Variants in CDK12 observed in about 807,000 individuals in gnomAD.
CDK12 encodes the protein cyclin dependent kinase 12, also known as cyclin-dependent kinase 12.
Under a neutral mutation model 133.8 loss-of-function variants are expected in CDK12, and 17 were observed. The ratio of observed to expected loss-of-function variants is 0.13; its 90% confidence interval spans 0.09 to 0.19. CDK12 has a LOEUF of 0.19. CDK12 is among the 10% of genes least tolerant of loss of function. The pLI is 1.00. For missense variants in CDK12, 1,508 were observed against 1,818.7 expected, an observed-to-expected ratio of 0.83 and a Z score of 3.11; for synonymous variants, 694 against 683.6, an observed-to-expected ratio of 1.02 and a Z score of -0.24.
At chr17:39,540,435 C>G (rs2055354555) in intron 1 of CDK12, among the ~76,000 whole-genome samples, 1 of 152,160 alleles carries the variant, frequency 6.6e-6, no homozygotes, top group South Asian at 2.1e-4. Context: ...CTGCATGCAC[C>G]CTGCCCTTTT....
At chr17:39,564,454 G>C (rs967214281) in intron 3 of CDK12, among the ~76,000 whole-genome samples, 2 of 152,158 alleles carry the variant, frequency 1.3e-5, no homozygotes, top group African/African-American at 4.8e-5. Context: ...TTGTAAAGGC[G>C]GAGTTTGCTA....
chr17:39,535,662 C>T (rs1027236566), downstream of CDK12, among the ~76,000 whole-genome samples: 4 of 152,180 alleles, frequency 2.6e-5, no homozygotes, highest in Non-Finnish European at 5.9e-5. Context: ...CCATTTCTAA[C>T]CAGAAACCAT....
At position 39,492,793 on chromosome 17, in the gene CDK12, C is replaced by A. The variant is rs777401578; in HGVS notation, c.2151C>A (p.Ser717Arg). Residue 717 changes from serine (S) to arginine (R), a missense_variant, in exon 4 of 14, where the codon AGC becomes AGA. Around this residue, in one of 9 missense-constraint regions of CDK12, gnomAD observed 74 missense variants for 160.2 expected, o/e 0.46. Coordinates refer to ENST00000447079, the MANE Select transcript of CDK12 (RefSeq NM_016507.4). ...PRYGERRQTE[S>R]DWGKRCVDKF... ...ATGGAGAAAGAAGACAAACAGAAAGCGACTGGGGGAAACGCTGTGTGGACA... is the reference window on the plus strand; with the variant it reads ...ATGGAGAAAGAAGACAAACAGAAAGAGACTGGGGGAAACGCTGTGTGGACA... 6.2e-7 allele frequency: 1 copy of A among 1,612,272 alleles called. No individual in the cohort carries two copies. The highest frequency in any genetic ancestry group is 8.5e-7 in the Non-Finnish European group (1 of 1,178,866).
chr17:39,501,617 C>G (rs948500443), intron 6 of CDK12, among the ~76,000 whole-genome samples, 178 bp downstream of exon 6: 5 of 152,124 alleles, frequency 3.3e-5, no homozygotes, highest in African/African-American at 1.2e-4. Flanking sequence ...TGTTCTTGAG[C>G]CTTTTCTCAG....
At chr17:39,504,408 G>T (rs1053834373) in intron 6 of CDK12, among the ~76,000 whole-genome samples, 6 of 152,118 alleles carry the variant, frequency 3.9e-5, no homozygotes, top group African/African-American at 1.4e-4. Context: ...TTTAAGAAGG[G>T]AGTGGTGATT....
rs962332347 is a variant in CDK12 at position 39,532,156 on chromosome 17, C to T, written c.*840C>T. 2.6e-5 allele frequency: 6 copies of T among 231,148 alleles called. No homozygotes were observed. The highest frequency in any genetic ancestry group is 1.2e-3 in the Middle Eastern group (1 of 806). 14.3% of individuals were successfully genotyped at this position (231,148 alleles called of 1,614,324 possible). A position where few individuals can be genotyped will look rare whatever the true frequency, so the allele number is the denominator to read the frequency against. ...TCTCTCTCTCTCTGTCTCGCTTGCT[C>T]GCTCTCGCTGTTTCTCTCTCTTTGA... On this transcript the variant is annotated 3_prime_UTR_variant, in exon 14 of 14. Coordinates refer to ENST00000447079, the MANE Select transcript of CDK12 (RefSeq NM_016507.4).
At chr17:39,565,150 G>A (rs1229112600), downstream of CDK12, among the ~76,000 whole-genome samples, 1 of 152,162 alleles carries the variant, frequency 6.6e-6, no homozygotes. Flanking sequence ...GTCTCGCTCT[G>A]TCGCCCAGGC....
At chr17:39,479,169 A>C (rs2050440119) in intron 2 of CDK12, among the ~76,000 whole-genome samples, 1 of 151,972 alleles carries the variant, frequency 6.6e-6, no homozygotes, top group Non-Finnish European at 1.5e-5. Flanking sequence ...TTAGCCGGGC[A>C]TGGTGGCGGG....
rs576148809 is a variant in CDK12, at chr17:39,472,320, T to TA, written c.1931+564dup. Among the ~76,000 whole-genome samples, 240 of 152,150 alleles carry TA rather than the reference T, an allele frequency of 1.6e-3. 1 individual carries two copies. The highest frequency in any genetic ancestry group is 2.1e-4 in the Non-Finnish European group (14 of 67,998). ...ATAATGCTAATTTTGATTAAAATTTTAAAAAAATCGAGTTTTCCCTTAAAT... is the reference window on the plus strand; with the variant it reads ...ATAATGCTAATTTTGATTAAAATTTTAAAAAAAATCGAGTTTTCCCTTAAAT... On this transcript the variant is annotated intron_variant, in intron 2 of 13. Coordinates refer to ENST00000447079, the MANE Select transcript of CDK12 (RefSeq NM_016507.4).
intron 13 of CDK12, among the ~76,000 whole-genome samples, chr17:39,526,700 A>G (rs1221959916): frequency 3.3e-5 from 5 of 152,222 alleles, no homozygotes; most frequent in Non-Finnish European, 7.3e-5. Flanking sequence ...TTATCAGACT[A>G]TACTTCTTTA....
intron 6 of CDK12, among the ~76,000 whole-genome samples, chr17:39,503,757 C>G (rs1177324441): frequency 6.6e-6 from 1 of 152,164 alleles, no homozygotes; most frequent in Non-Finnish European, 1.5e-5. Flanking sequence ...TTAGCTCTGT[C>G]TACTCAGACC....
Position 39,519,150 on chromosome 17 carries a change from G to A in CDK12, c.2964-806G>A, listed in dbSNP as rs79856765. Among the ~76,000 whole-genome samples, 686 of 151,906 alleles carry A rather than the reference G, an allele frequency of 4.5e-3. 16 individuals carry two copies. Among genetic ancestry groups the A allele is most frequent in the Admixed American group, 0.034 (513 of 15,212 alleles). On this transcript the variant is annotated intron_variant, in intron 10 of 13. Coordinates refer to ENST00000447079, the MANE Select transcript of CDK12 (RefSeq NM_016507.4). ...ACTCCTGACCTCAGATTATCTGCCC[G>A]CCTCGGCCCCACAAAGTGCTGGGAT...
intron 1 of CDK12, among the ~76,000 whole-genome samples, chr17:39,469,441 A>T (rs1158758522): frequency 6.6e-6 from 1 of 152,116 alleles, no homozygotes; most frequent in Non-Finnish European, 1.5e-5. Flanking sequence ...CCTAAGCCTT[A>T]TGTGTTGGGA....
intron 6 of CDK12, among the ~76,000 whole-genome samples, chr17:39,504,039 G>A (rs1264735990): frequency 3.3e-5 from 5 of 152,180 alleles, no homozygotes; most frequent in African/African-American, 9.6e-5. Context: ...AGTAGGGATG[G>A]ACTCGGTAGA....
chr17:39,485,805 C>T (rs1258003821), intron 2 of CDK12, among the ~76,000 whole-genome samples: 3 of 151,582 alleles, frequency 2.0e-5, no homozygotes, highest in African/African-American at 7.3e-5. Context: ...ACTTGAGCCT[C>T]GAGGCTGCAG....
At chr17:39,529,917 A>G (rs930284497) in intron 13 of CDK12, 10 of 152,188 alleles carry the variant, frequency 6.6e-5, no homozygotes, top group Non-Finnish European at 1.0e-4. Flanking sequence ...AAAATAGAAA[A>G]TTATGATAGA....
At chr17:39,482,015 C>CTTT (rs56340258) in intron 2 of CDK12, among the ~76,000 whole-genome samples, 1 of 96,228 alleles carries the variant, frequency 1.0e-5, no homozygotes, top group African/African-American at 3.3e-5. Flanking sequence ...CCTGGCTTGC[C>CTTT]TTTTTTTTTT....
At chr17:39,526,382 A>C in intron 13 of CDK12, 66 bp downstream of exon 13, 1 of 1,289,188 alleles carries the variant, frequency 7.8e-7, no homozygotes, top group Non-Finnish European at 1.1e-6. Context: ...AAAATCTCTT[A>C]ACATTTTTTT....
intron 3 of CDK12, among the ~76,000 whole-genome samples, chr17:39,561,539 T>C (rs2056373999): frequency 1.3e-5 from 2 of 152,196 alleles, no homozygotes; most frequent in South Asian, 4.1e-4. Context: ...TCACTCAGCC[T>C]CTGGGGCACT....
Sources: allele counts gnomAD v4.1 joint callset (sites outside exome capture counted in the v4.1 genomes callset), GRCh38; gene constraint gnomAD v4.1.1; regional missense constraint gnomAD v4.1.1; transcripts MANE v1.5; gene names NCBI Gene and HGNC (gene_info 2026-07-23, HGNC 2026-07-21).